UBTD1: variants seen among roughly 807,000 people sequenced by gnomAD.
UBTD1 encodes ubiquitin domain-containing protein 1.
Under a neutral mutation model 21.7 loss-of-function variants are expected in UBTD1, and 19 were observed. The observed-to-expected ratio is 0.87, with a 90% CI of 0.61 to 1.28. The LOEUF is 1.28. Among genes scored for constraint, UBTD1 ranks in the 50% most tolerant of loss-of-function variants. The probability of loss-of-function intolerance (pLI) is 0.00; values close to 1 mark genes in which losing one functional copy is unlikely to be tolerated. For synonymous variants in UBTD1, 116 were observed against 135.1 expected (o/e 0.86, Z 0.98); for missense variants, 282 against 315.1 (o/e 0.89, Z 0.80).
chr10:97,499,032 T>G lies in UBTD1; in HGVS notation c.-172T>G, dbSNP rs972999737. 18 of 717,680 alleles carry G rather than the reference T, an allele frequency of 2.5e-5. 1 individual carries two copies. The highest frequency in any genetic ancestry group is 4.0e-4 in the Middle Eastern group (1 of 2,498). 44.5% of individuals were successfully genotyped at this position (717,680 alleles called of 1,614,324 possible). A position where few individuals can be genotyped will look rare whatever the true frequency, so the allele number is the denominator to read the frequency against. ...GAGTCTGCCACTTCCCTCTCTCCCC[T>G]GGCCCGCAAAGTTTTGGCGGAGCCA... On this transcript the variant is annotated 5_prime_UTR_variant, in exon 1 of 3. Coordinates refer to ENST00000370664, the MANE Select transcript of UBTD1 (RefSeq NM_024954.5).
chr10:97,502,122 A>C (rs531036904), intron 1 of UBTD1, among the ~76,000 whole-genome samples: 45 of 152,284 alleles, frequency 3.0e-4, no homozygotes, highest in African/African-American at 1.0e-3. Context: ...AGTAGCACTC[A>C]GTATTTGTTG....
rs1266360098 is a variant in UBTD1, at chr10:97,537,244, G to C, written c.71-30670G>C. Among the ~76,000 whole-genome samples the C allele has an allele frequency of 3.3e-5, 5 of 152,282 alleles. No individual in the cohort carries two copies. In the East Asian group the frequency reaches 9.7e-4, roughly 29 times the overall value. On this transcript the variant is annotated intron_variant, in intron 1 of 2. Transcript: ENST00000370664. Reference sequence around the variant, plus strand: ...GGCCATGACACTTTTGTCTGGGCCTGAGCACCCTGGTAATCATCACCCTTT... The same window carrying C: ...GGCCATGACACTTTTGTCTGGGCCTCAGCACCCTGGTAATCATCACCCTTT...
intron 1 of UBTD1, among the ~76,000 whole-genome samples, chr10:97,544,681 GAA>G (rs1052504804): frequency 6.6e-6 from 1 of 151,226 alleles, no homozygotes; most frequent in Non-Finnish European, 1.5e-5. Context: ...GTAAGCTAGA[GAA>G]AAAAAAATGT....
intron 1 of UBTD1, among the ~76,000 whole-genome samples, chr10:97,521,775 T>G (rs2040467805): frequency 6.6e-6 from 1 of 152,030 alleles, no homozygotes; most frequent in Non-Finnish European, 1.5e-5. Flanking sequence ...CCCTTTGGAG[T>G]GGGTCACACA....
chr10:97,508,168 G>C (rs2040407132), intron 1 of UBTD1, among the ~76,000 whole-genome samples: 1 of 152,242 alleles, frequency 6.6e-6, no homozygotes, highest in Non-Finnish European at 1.5e-5. Context: ...CTGAGCCTTA[G>C]AAAGGTAATG....
At chr10:97,565,515 A>G (rs2040712746) in intron 1 of UBTD1, among the ~76,000 whole-genome samples, 1 of 152,100 alleles carries the variant, frequency 6.6e-6, no homozygotes, top group Non-Finnish European at 1.5e-5. Flanking sequence ...CTAGCAGGGC[A>G]TAGTGTCACC....
intron 2 of UBTD1, 119 bp downstream of exon 2, chr10:97,568,260 C>G (rs2040727953): frequency 2.0e-6 from 2 of 1,006,688 alleles, no homozygotes; most frequent in East Asian, 2.6e-5. Flanking sequence ...TTCATTCATT[C>G]AAGCACCCCT....
rs1158122159 is a variant in UBTD1, at chr10:97,568,146, G to A, written c.298+5G>A. On this transcript the variant is annotated splice_donor_5th_base_variant and intron_variant, in intron 2 of 2. Transcript: ENST00000370664. ...CCAGCATCACCCTGCCTCATGGTAA[G>A]TGGGCAGGGCCAGGGCTTTATCCCC... 6.2e-7 allele frequency: 1 copy of A among 1,613,496 alleles called. No homozygotes were observed. Among genetic ancestry groups the A allele is most frequent in the East Asian group, 2.2e-5 (1 of 44,888 alleles).
At chr10:97,538,737 T>C (rs1400915803) in intron 1 of UBTD1, among the ~76,000 whole-genome samples, 1 of 152,208 alleles carries the variant, frequency 6.6e-6, no homozygotes, top group Non-Finnish European at 1.5e-5. Context: ...AAAGCTTTTT[T>C]TGCACAGAAT....
chr10:97,526,893 C>T lies in UBTD1; in HGVS notation c.70+27620C>T, dbSNP rs542396874. On this transcript the variant is annotated intron_variant, in intron 1 of 2. Coordinates refer to ENST00000370664, the MANE Select transcript of UBTD1 (RefSeq NM_024954.5). ...AAAAAAAGAAATGCCTCTCTTAGGC[C>T]GAGCGTGGTGGCTCACACCTGTAAT... is the stretch of plus-strand genomic sequence containing the variant. Among the ~76,000 whole-genome samples the T allele has an allele frequency of 2.3e-3, 350 of 150,132 alleles. 1 individual carries two copies. In the Middle Eastern group the frequency reaches 0.025, roughly 11 times the overall value.
intron 2 of UBTD1, among the ~76,000 whole-genome samples, chr10:97,569,933 G>A (rs78209044): frequency 6.6e-6 from 1 of 151,814 alleles, no homozygotes; most frequent in Non-Finnish European, 1.5e-5. Flanking sequence ...AAAAAAAAAG[G>A]ACCATTTTTC....
At chr10:97,515,885 T>C (rs568092296) in intron 1 of UBTD1, among the ~76,000 whole-genome samples, 1 of 152,206 alleles carries the variant, frequency 6.6e-6, no homozygotes, top group Admixed American at 6.5e-5. Context: ...CCACTCCTGA[T>C]ACCATGCAGA....
At chr10:97,545,673 C>T (rs988041014) in intron 1 of UBTD1, among the ~76,000 whole-genome samples, 1 of 152,166 alleles carries the variant, frequency 6.6e-6, no homozygotes, top group African/African-American at 2.4e-5. Context: ...GGCATTTGCC[C>T]AAGGTCACTT....
At chr10:97,533,504 G>A (rs912121676) in intron 1 of UBTD1, among the ~76,000 whole-genome samples, 2 of 152,138 alleles carry the variant, frequency 1.3e-5, no homozygotes, top group Non-Finnish European at 1.5e-5. Flanking sequence ...GGCTGCTCTT[G>A]CCTGGCCTTG....
intron 1 of UBTD1, among the ~76,000 whole-genome samples, chr10:97,546,284 G>A (rs912165248): frequency 1.1e-4 from 16 of 152,036 alleles, no homozygotes; most frequent in African/African-American, 3.9e-4. Flanking sequence ...GCCTAGGTGT[G>A]TGTTTCTGTC....
intron 1 of UBTD1, among the ~76,000 whole-genome samples, chr10:97,529,490 A>C (rs2040516669): frequency 1.3e-5 from 2 of 152,186 alleles, no homozygotes; most frequent in South Asian, 4.1e-4. Flanking sequence ...CACTGAGTTA[A>C]CGAGACTCCG....
At chr10:97,565,873 C>T (rs929554481) in intron 1 of UBTD1, among the ~76,000 whole-genome samples, 7 of 151,786 alleles carry the variant, frequency 4.6e-5, no homozygotes, top group African/African-American at 1.5e-4. Context: ...CCACCATGCC[C>T]GACTAATTTT....
chr10:97,549,364 A>G (rs1459614515), intron 1 of UBTD1, among the ~76,000 whole-genome samples: 1 of 151,576 alleles, frequency 6.6e-6, no homozygotes, highest in African/African-American at 2.4e-5. Context: ...AGCTCTGTCT[A>G]CTCTCCCATC....
Position 97,570,575 on chromosome 10 carries a change from C to G in UBTD1, c.*52C>G. 2 of 1,537,530 alleles carry G rather than the reference C, an allele frequency of 1.3e-6. No individual in the cohort carries two copies. Among genetic ancestry groups the G allele is most frequent in the Non-Finnish European group, 1.8e-6 (2 of 1,136,352 alleles). The stretch of plus-strand genomic sequence containing the variant: ...CCCCGCCTGGAGCACTAGGCCCCCA[C>G]CCTGCTGCTGCCTTCCAGTGCTGTC... On this transcript the variant is annotated 3_prime_UTR_variant, in exon 3 of 3. Transcript: ENST00000370664. The surrounding 1 kb of genome is among the most constrained non-coding windows in gnomAD (Gnocchi z 6.6).
Sources: allele counts gnomAD v4.1 joint callset (sites outside exome capture counted in the v4.1 genomes callset), GRCh38; gene constraint gnomAD v4.1.1; non-coding constraint Gnocchi (gnomAD v3.1); transcripts MANE v1.5; gene names NCBI Gene and HGNC (gene_info 2026-07-23, HGNC 2026-07-21).